The following SLC39A12 variants were observed in gnomAD, a reference collection of about 807,000 sequenced individuals.
The protein encoded by SLC39A12 is zinc transporter ZIP12.
Under a neutral mutation model 71.1 loss-of-function variants are expected in SLC39A12, and 63 were observed. The observed-to-expected ratio is 0.89, with a 90% CI of 0.72 to 1.09. The LOEUF (loss-of-function observed/expected upper bound fraction) is 1.09. Ranked by LOEUF, SLC39A12 falls within the 50% of genes least tolerant of loss-of-function variation. The probability of loss-of-function intolerance (pLI) is 0.00; values close to 1 mark genes in which losing one functional copy is unlikely to be tolerated. For synonymous variants in SLC39A12, 351 were observed against 301.3 expected, an observed-to-expected ratio of 1.16 and a Z score of -1.71; for missense variants, 892 against 812.6, an observed-to-expected ratio of 1.10 and a Z score of -1.19.
intron 12 of SLC39A12, among the ~76,000 whole-genome samples, chr10:18,015,593 A>C (rs1235293298): frequency 6.6e-6 from 1 of 151,874 alleles, no homozygotes. Flanking sequence ...TAGACATCAA[A>C]CACTCTAGTA....
chr10:18,034,511 T>G (rs986412260), intron 12 of SLC39A12, among the ~76,000 whole-genome samples: 2 of 151,752 alleles, frequency 1.3e-5, no homozygotes, highest in African/African-American at 4.8e-5. Flanking sequence ...TAGATCTTCC[T>G]CCATCCTTTT....
intron 12 of SLC39A12, among the ~76,000 whole-genome samples, chr10:18,019,355 C>T (rs559048102): frequency 2.8e-4 from 43 of 151,882 alleles, no homozygotes; most frequent in African/African-American, 9.9e-4. Flanking sequence ...TTGGCTTTGT[C>T]GAATTTCTGT....
At chr10:17,995,553 A>C in intron 9 of SLC39A12, 103 bp from the exon 10 acceptor site, 4 of 1,010,556 alleles carry the variant, frequency 4.0e-6, no homozygotes, top group Non-Finnish European at 6.0e-6. Flanking sequence ...CTAGAGTACT[A>C]AAATGTCTTT....
At chr10:17,997,603 T>C (rs1343091386) in intron 10 of SLC39A12, among the ~76,000 whole-genome samples, 2 of 152,192 alleles carry the variant, frequency 1.3e-5, no homozygotes, top group South Asian at 2.1e-4. Context: ...AAACATTTTA[T>C]AGGCCTCTTA....
intron 2 of SLC39A12, among the ~76,000 whole-genome samples, chr10:17,959,682 CTG>C (rs1834637169): frequency 6.6e-6 from 1 of 152,202 alleles, no homozygotes; most frequent in South Asian, 2.1e-4. Context: ...AGCTCCCCAA[CTG>C]TCTCTGCAGA....
chr10:17,995,637 AT>A lies in SLC39A12; in HGVS notation c.1534-13del, dbSNP rs781655858. 6.2e-6 allele frequency: 10 copies of A among 1,607,218 alleles called. No individual in the cohort carries two copies. The highest frequency in any genetic ancestry group is 8.5e-6 in the Non-Finnish European group (10 of 1,176,300). ...GGCCATTACTTATCTTTCATCAGTT[AT>A]TTTTTAATTTAAAATAGAAAAGCCC... On this transcript the variant is annotated intron_variant, in intron 9 of 12. Coordinates refer to ENST00000377369, the MANE Select transcript of SLC39A12 (RefSeq NM_001145195.2).
At chr10:18,038,643 ACT>A (rs1429415794) in intron 12 of SLC39A12, among the ~76,000 whole-genome samples, 1 of 141,844 alleles carries the variant, frequency 7.1e-6, no homozygotes, top group African/African-American at 2.7e-5. Flanking sequence ...CAAGAGTGAA[ACT>A]CTGTCTCAAA....
At chr10:17,998,359 T>C (rs923602761) in intron 10 of SLC39A12, among the ~76,000 whole-genome samples, 1 of 152,238 alleles carries the variant, frequency 6.6e-6, no homozygotes, top group Admixed American at 6.5e-5. Context: ...AGGCTACATA[T>C]AGGCATGTGG....
intron 6 of SLC39A12, among the ~76,000 whole-genome samples, chr10:17,983,261 CAGG>C (rs1257851954): frequency 3.4e-5 from 5 of 149,062 alleles, no homozygotes; most frequent in Non-Finnish European, 7.4e-5. Flanking sequence ...GAGGGCAAGG[CAGG>C]AGGATTACTT....
intron 8 of SLC39A12, among the ~76,000 whole-genome samples, chr10:17,992,914 C>T (rs1286271977): frequency 3.9e-5 from 6 of 152,256 alleles, no homozygotes; most frequent in Admixed American, 3.3e-4. Flanking sequence ...GCGGTATCTC[C>T]ATCAGAAAGA....
At chr10:17,987,387 C>A (rs1245741017) in intron 6 of SLC39A12, 92 bp from the exon 7 acceptor site, 2 of 1,168,038 alleles carry the variant, frequency 1.7e-6, no homozygotes, top group Non-Finnish European at 2.5e-6. Context: ...CTGGCTGTTA[C>A]TGTAAGACCA....
At chr10:17,973,503 A>T (rs1298158371) in intron 4 of SLC39A12, among the ~76,000 whole-genome samples, 1 of 152,104 alleles carries the variant, frequency 6.6e-6, no homozygotes, top group African/African-American at 2.4e-5. Context: ...TTTTCACAGG[A>T]TATACTATTC....
Position 18,042,791 on chromosome 10 carries a change from T to C in SLC39A12, c.2034T>C (p.Ser678=), listed in dbSNP as rs1450622982. Residue 678 remains serine, a synonymous_variant, in exon 13 of 13, where the codon TCT becomes TCC. Coordinates refer to ENST00000377369, the MANE Select transcript of SLC39A12 (RefSeq NM_001145195.2). The part of the protein sequence containing the change: ...QNFGLILGWL[S]LLLLAIYEQN... ...TTGGATTGATCCTAGGTTGGCTTTC[T>C]CTCCTGCTCTTGGCTATATATGAGC... is the stretch of plus-strand genomic sequence containing the variant. The C allele has an allele frequency of 1.2e-6, 2 of 1,613,314 alleles. No individual in the cohort carries two copies. Among genetic ancestry groups the C allele is most frequent in the Middle Eastern group, 1.7e-4 (1 of 6,060 alleles).
At chr10:17,993,725 C>T (rs1436809946) in intron 9 of SLC39A12, among the ~76,000 whole-genome samples, 1 of 152,186 alleles carries the variant, frequency 6.6e-6, no homozygotes, top group Non-Finnish European at 1.5e-5. Context: ...ATAACTGATT[C>T]TGTCCAATGA....
At chr10:18,042,296 A>G (rs986968551) in intron 12 of SLC39A12, among the ~76,000 whole-genome samples, 4 of 151,846 alleles carry the variant, frequency 2.6e-5, no homozygotes, top group Non-Finnish European at 2.9e-5. Context: ...TGGGCAATAC[A>G]GGGAAACCCC....
chr10:17,975,029 C>T (rs1214775513), intron 4 of SLC39A12, among the ~76,000 whole-genome samples: 2 of 152,194 alleles, frequency 1.3e-5, no homozygotes, highest in Non-Finnish European at 2.9e-5. Context: ...AGGAGCCTTA[C>T]TCTGTGGCCA....
chr10:17,972,656 G>C (rs114907341), intron 4 of SLC39A12, among the ~76,000 whole-genome samples: 2,348 of 152,122 alleles, frequency 0.015, 51 homozygotes, highest in African/African-American at 0.054. Flanking sequence ...AGTGACTCCT[G>C]CTTTTATTTT....
At chr10:17,973,942 G>T (rs1835040195) in intron 4 of SLC39A12, among the ~76,000 whole-genome samples, 1 of 150,856 alleles carries the variant, frequency 6.6e-6, no homozygotes. Flanking sequence ...TTTTCAAATA[G>T]ACCCTGTCTT....
At chr10:18,007,448 T>C (rs929609847) in intron 12 of SLC39A12, among the ~76,000 whole-genome samples, 1 of 152,106 alleles carries the variant, frequency 6.6e-6, no homozygotes, top group South Asian at 2.1e-4. Flanking sequence ...GTAACTGTTA[T>C]AGGAAAGGAG....
Sources: gnomAD v4.1 joint callset for allele counts (sites outside exome capture counted in the v4.1 genomes callset) on GRCh38, gnomAD v4.1.1 for gene constraint, MANE v1.5 for transcripts, NCBI Gene and HGNC (gene_info 2026-07-23, HGNC 2026-07-21) for gene names.